The following KCNK10 variants were observed in gnomAD, a reference collection of about 807,000 sequenced individuals.
KCNK10 encodes the protein potassium two pore domain channel subfamily K member 10, also known as potassium channel subfamily K member 10.
In KCNK10, 25 loss-of-function variants were observed where a neutral mutation model predicts 47.7. The observed-to-expected ratio is 0.52, with a 90% confidence interval of 0.38 to 0.73. The LOEUF (loss-of-function observed/expected upper bound fraction) is 0.73. KCNK10 is among the 30% of genes least tolerant of loss of function. KCNK10 has a pLI of 0.00. For synonymous variants in KCNK10, 303 were observed against 285.6 expected (o/e 1.06, Z -0.61); for missense variants, 563 against 714.5 (o/e 0.79, Z 2.42).
Position 88,181,178 on chromosome 14 carries a change from A to C in KCNK10, c.*4357T>G. On this transcript the variant is annotated 3_prime_UTR_variant, in exon 7 of 7. Transcript: ENST00000319231. ...ACTGGATGCTTCATATTCTCACCAA[A>C]TCCAGTGGGTAAAAACCAGCCCCAC... 5.1e-6 allele frequency: 1 copy of C among 197,684 alleles called. No homozygotes were observed. The highest frequency in any genetic ancestry group is 1.0e-5 in the Non-Finnish European group (1 of 98,204). The allele number at this position is 197,684 out of a possible 1,614,324, so 12.2% of individuals were successfully genotyped here.
At chr14:88,221,913 C>A (rs1349670311) in intron 4 of KCNK10, among the ~76,000 whole-genome samples, 6 of 152,170 alleles carry the variant, frequency 3.9e-5, no homozygotes, top group African/African-American at 7.2e-5. Context: ...ATAGAGGAAA[C>A]TTTTATCCAT....
At chr14:88,211,919 T>C (rs1172386691) in intron 4 of KCNK10, among the ~76,000 whole-genome samples, 1 of 149,888 alleles carries the variant, frequency 6.7e-6, no homozygotes, top group Non-Finnish European at 1.5e-5. Context: ...AAAATCTTTG[T>C]AACAATGACT....
intron 1 of KCNK10, among the ~76,000 whole-genome samples, chr14:88,283,708 G>A (rs573228806): frequency 1.0e-3 from 153 of 152,222 alleles, no homozygotes; most frequent in African/African-American, 3.3e-3. Flanking sequence ...TCAAGAGATC[G>A]AGACCATCCT....
chr14:88,302,810 C>T (rs1888130467), intron 1 of KCNK10, among the ~76,000 whole-genome samples: 1 of 152,184 alleles, frequency 6.6e-6, no homozygotes, highest in South Asian at 2.1e-4. Context: ...GGGTGGCTGG[C>T]TGTCAAAATT....
intron 3 of KCNK10, among the ~76,000 whole-genome samples, chr14:88,236,469 T>C (rs1886305202): frequency 6.6e-6 from 1 of 152,250 alleles, no homozygotes; most frequent in South Asian, 2.1e-4. Flanking sequence ...TACTTGAAGA[T>C]GACTTTCAGC....
chr14:88,189,155 A>T (rs141294848), intron 5 of KCNK10, among the ~76,000 whole-genome samples: 2 of 152,308 alleles, frequency 1.3e-5, no homozygotes, highest in African/African-American at 2.4e-5. Context: ...ACTGAGTCTT[A>T]CGGCAAAGGC....
At chr14:88,241,323 C>G (rs924164132) in intron 2 of KCNK10, among the ~76,000 whole-genome samples, 1 of 152,172 alleles carries the variant, frequency 6.6e-6, no homozygotes. Flanking sequence ...TTGTTTGAAC[C>G]TCTCTGAGCC....
chr14:88,222,034 A>G lies in KCNK10; in HGVS notation c.681+5341T>C, dbSNP rs140778902. ...GATAAAGACATATCTGAAACTGGGA[A>G]CAAAAAGAGGCTTAATTGGACTTAC... On this transcript the variant is annotated intron_variant, in intron 4 of 6. Transcript: ENST00000319231. Among the ~76,000 whole-genome samples, 670 of 152,346 alleles carry G rather than the reference A, an allele frequency of 4.4e-3. 10 individuals carry two copies. The highest frequency in any genetic ancestry group is 0.016 in the African/African-American group (649 of 41,588).
intron 1 of KCNK10, among the ~76,000 whole-genome samples, chr14:88,315,985 T>A (rs887465608): frequency 6.6e-6 from 1 of 152,118 alleles, no homozygotes; most frequent in Non-Finnish European, 1.5e-5. Context: ...TGTTTTCCTT[T>A]CTAATCTTGT....
chr14:88,288,595 A>G (rs892948304), intron 1 of KCNK10, among the ~76,000 whole-genome samples: 1 of 152,140 alleles, frequency 6.6e-6, no homozygotes, highest in Non-Finnish European at 1.5e-5. Context: ...CCTCCACTGC[A>G]TGCTGAAAAC....
At chr14:88,236,870 T>A (rs1886316867) in intron 3 of KCNK10, among the ~76,000 whole-genome samples, 1 of 152,124 alleles carries the variant, frequency 6.6e-6, no homozygotes, top group African/African-American at 2.4e-5. Context: ...TGGCGGAGGG[T>A]CTTCCTTTGA....
At chr14:88,248,358 C>T (rs1008885633) in intron 2 of KCNK10, among the ~76,000 whole-genome samples, 1 of 152,130 alleles carries the variant, frequency 6.6e-6, no homozygotes, top group African/African-American at 2.4e-5. Flanking sequence ...GAGGCTTCTG[C>T]TATCTTGCTT....
intron 1 of KCNK10, among the ~76,000 whole-genome samples, chr14:88,313,681 C>G (rs568601020): frequency 1.1e-3 from 174 of 152,342 alleles, no homozygotes; most frequent in African/African-American, 3.6e-3. Context: ...CGGACAACAT[C>G]TGACCACAAT....
At chr14:88,224,289 A>G (rs1484083661) in intron 4 of KCNK10, among the ~76,000 whole-genome samples, 1 of 152,202 alleles carries the variant, frequency 6.6e-6, no homozygotes, top group Non-Finnish European at 1.5e-5. Flanking sequence ...AAGTGACTGT[A>G]AGCCCTTTCG....
At chr14:88,296,526 A>G (rs1401212546) in intron 1 of KCNK10, among the ~76,000 whole-genome samples, 1 of 152,154 alleles carries the variant, frequency 6.6e-6, no homozygotes, top group Non-Finnish European at 1.5e-5. Flanking sequence ...TATGAGTCCT[A>G]TCTCCCATGC....
At chr14:88,257,647 A>G (rs572700677) in intron 2 of KCNK10, among the ~76,000 whole-genome samples, 39 of 152,344 alleles carry the variant, frequency 2.6e-4, no homozygotes, top group African/African-American at 9.4e-4. Flanking sequence ...AACTTAAGCC[A>G]TCATTTCAGC....
chr14:88,250,374 CTTCTAAATT>C (rs1350527715), intron 2 of KCNK10, among the ~76,000 whole-genome samples: 1 of 152,198 alleles, frequency 6.6e-6, no homozygotes, highest in African/African-American at 2.4e-5. Context: ...AAGGGCAGCT[CTTCTAAATT>C]CAAAGCAACA....
intron 4 of KCNK10, among the ~76,000 whole-genome samples, chr14:88,223,954 G>A (rs554341035): frequency 1.7e-3 from 266 of 152,108 alleles, no homozygotes; most frequent in African/African-American, 6.0e-3. Flanking sequence ...GCCAAGGAGG[G>A]CAGATCACCT....
At chr14:88,216,220 G>C (rs1230922697) in intron 4 of KCNK10, among the ~76,000 whole-genome samples, 1 of 152,176 alleles carries the variant, frequency 6.6e-6, no homozygotes, top group Non-Finnish European at 1.5e-5. Context: ...GAGTCGGAAT[G>C]GCGCTAGCAC....
Sources: allele counts gnomAD v4.1 joint callset (sites outside exome capture counted in the v4.1 genomes callset), GRCh38; gene constraint gnomAD v4.1.1; transcripts MANE v1.5; gene names NCBI Gene and HGNC (gene_info 2026-07-23, HGNC 2026-07-21).